The following SLC47A2 variants were observed in gnomAD, a reference collection of about 807,000 sequenced individuals.
SLC47A2 encodes the protein solute carrier family 47 member 2, also known as multidrug and toxin extrusion protein 2.
SLC47A2 carries 52 observed loss-of-function variants against 67.7 expected under a neutral mutation model. That is an observed-to-expected ratio of 0.77 (90% confidence interval 0.61 to 0.97). The LOEUF (loss-of-function observed/expected upper bound fraction) is 0.97, where lower values mean the gene tolerates loss of function less well. SLC47A2 is among the 50% of genes least tolerant of loss of function. The pLI is 0.00. For synonymous variants in SLC47A2, 278 were observed against 292.9 expected (o/e 0.95, Z 0.52); for missense variants, 676 against 712.3 (o/e 0.95, Z 0.58).
In SLC47A2 at chr17:19,713,843, T is replaced by C. The variant is rs2086171302; in HGVS notation, c.425A>G (p.Gln142Arg). The C allele has an allele frequency of 6.2e-7, 1 of 1,612,804 alleles. No homozygotes were observed. Among genetic ancestry groups the C allele is most frequent in the Non-Finnish European group, 8.5e-7 (1 of 1,179,752 alleles). Residue 142 changes from glutamine (Q) to arginine (R), a missense_variant, in exon 4 of 17, where the codon CAG becomes CGG. By Grantham distance (43) the Gln-to-Arg change is conservative (BLOSUM62 1). Coordinates refer to ENST00000433844, the MANE Select transcript of SLC47A2 (RefSeq NM_001099646.3). ...AGCGCACCTGGACACGTCCGGGTCC[T>C]GCCGGAAGAGCAGCAGGATGTGCTG... ...NTQHILLLFR[Q>R]DPDVSRLTQD...
At chr17:19,693,793 G>A (rs932035528) in intron 13 of SLC47A2, among the ~76,000 whole-genome samples, 2 of 151,922 alleles carry the variant, frequency 1.3e-5, no homozygotes, top group Admixed American at 6.6e-5. Flanking sequence ...GCGAGACTCC[G>A]TCTCAGAACA....
intron 13 of SLC47A2, among the ~76,000 whole-genome samples, chr17:19,689,696 CA>C (rs377081377): frequency 0.032 from 2,636 of 81,526 alleles, 46 homozygotes; most frequent in African/African-American, 0.091. Context: ...GACCTTGTCT[CA>C]AAAAAAAAAA....
intron 4 of SLC47A2, among the ~76,000 whole-genome samples, chr17:19,713,332 G>A (rs539560806): frequency 1.6e-4 from 25 of 152,126 alleles, no homozygotes; most frequent in Non-Finnish European, 3.1e-4. Context: ...AGGTTGCAGT[G>A]AGCCAAGATT....
intron 13 of SLC47A2, among the ~76,000 whole-genome samples, chr17:19,700,653 T>A (rs1303358449): frequency 2.0e-5 from 3 of 151,592 alleles, no homozygotes; most frequent in Admixed American, 1.3e-4. Context: ...TAGTCCCAGC[T>A]ACTCAGGAGG....
chr17:19,681,130 A>G (rs761771090), intron 15 of SLC47A2, among the ~76,000 whole-genome samples: 6 of 152,058 alleles, frequency 3.9e-5, no homozygotes, highest in Non-Finnish European at 5.9e-5. Flanking sequence ...GGAGAATGGC[A>G]TGTACCCAGA....
In SLC47A2 at chr17:19,712,718, G is replaced by A. The variant is rs1266288088; in HGVS notation, c.471C>T (p.Phe157=). Residue 157 remains phenylalanine, a synonymous_variant, in exon 5 of 17, where the codon TTC becomes TTT. Transcript: ENST00000433844. ...GGGCACCTACCGGAAGTCCTGGAATGAAAATCATTACATAGTCCTGGGTCA... is the reference window on the plus strand; with the variant it reads ...GGGCACCTACCGGAAGTCCTGGAATAAAAATCATTACATAGTCCTGGGTCA... The part of the protein sequence containing the change: ...SRLTQDYVMI[F]IPGLPVIFLY... The A allele has an allele frequency of 1.2e-6, 2 of 1,613,302 alleles. No individual in the cohort carries two copies. Among genetic ancestry groups the A allele is most frequent in the Non-Finnish European group, 1.7e-6 (2 of 1,179,822 alleles).
chr17:19,701,682 T>C (rs1335450488), intron 13 of SLC47A2, among the ~76,000 whole-genome samples: 2 of 152,222 alleles, frequency 1.3e-5, no homozygotes, highest in South Asian at 2.1e-4. Context: ...TGTTTTCTTG[T>C]GTTTTTAAAA....
intron 3 of SLC47A2, 82 bp from the exon 4 acceptor site, chr17:19,714,055 G>T: frequency 6.6e-7 from 1 of 1,516,382 alleles, no homozygotes; most frequent in South Asian, 1.3e-5. Context: ...GGCTGTCAGC[G>T]GCGCCAGCGG....
intron 3 of SLC47A2, 38 bp from the exon 4 acceptor site, chr17:19,714,011 G>A (rs1458811249): frequency 3.1e-6 from 5 of 1,592,222 alleles, no homozygotes; most frequent in Non-Finnish European, 3.4e-6. Flanking sequence ...CGTTTCCACT[G>A]CCCGGGACAT....
rs538048775 is a variant in SLC47A2 at position 19,690,968 on chromosome 17, C to T, written c.1165-9298G>A. ...AACCCCTTCTCTACTAAAAAAAATA[C>T]AAAATTAGCTGGGCGTAGTGGTGCA... On this transcript the variant is annotated intron_variant, in intron 13 of 16. Transcript: ENST00000433844. 2.6e-5 allele frequency among the ~76,000 whole-genome samples: 4 copies of T among 152,014 alleles called. No homozygotes were observed. In the East Asian group the frequency reaches 7.8e-4, roughly 29 times the overall value.
intron 10 of SLC47A2, 28 bp downstream of exon 10, chr17:19,705,407 TG>T (rs1409585897): frequency 6.3e-7 from 1 of 1,597,816 alleles, no homozygotes; most frequent in Non-Finnish European, 8.5e-7. Context: ...GTGGGGGATG[TG>T]GGGAAGGCAC....
chr17:19,712,585 C>G, intron 5 of SLC47A2, 118 bp downstream of exon 5: 1 of 1,065,514 alleles, frequency 9.4e-7, no homozygotes, highest in Non-Finnish European at 1.4e-6. Flanking sequence ...CAGTCACCCT[C>G]ATGGCCCAGC....
In SLC47A2 at chr17:19,681,009, C is replaced by T. The variant is rs898101326; in HGVS notation, c.1392+358G>A. Among the ~76,000 whole-genome samples the T allele has an allele frequency of 3.9e-5, 6 of 151,948 alleles. No individual in the cohort carries two copies. The East Asian group carries it at 5.8e-4, about 15-fold the overall frequency. ...TGGGCGGATCACGAGGTCAGGAGAT[C>T]GAGACCATCCTGGCTAACACGGTGA... On this transcript the variant is annotated intron_variant, in intron 15 of 16. Transcript: ENST00000433844.
chr17:19,698,684 T>A (rs1430262233), intron 13 of SLC47A2, among the ~76,000 whole-genome samples: 3 of 152,032 alleles, frequency 2.0e-5, no homozygotes, highest in Non-Finnish European at 1.5e-5. Flanking sequence ...CAGGGTTGAT[T>A]AAAAAAAATT....
intron 13 of SLC47A2, among the ~76,000 whole-genome samples, chr17:19,687,621 AAAAG>A (rs2085456311): frequency 6.6e-6 from 1 of 152,144 alleles, no homozygotes; most frequent in South Asian, 2.1e-4. Flanking sequence ...ATGAAGAAAA[AAAAG>A]AGAAAAGATC....
chr17:19,681,649 T>C lies in SLC47A2; in HGVS notation c.1186A>G (p.Arg396Gly). ...AICCVYGGVL[R>G]GTGKQAFGAA... ...CCAAAGGCCTGCTTCCCAGTTCCTCTCAGAACTCCGCCATAGACACACTAG... is the reference window on the plus strand; with the variant it reads ...CCAAAGGCCTGCTTCCCAGTTCCTCCCAGAACTCCGCCATAGACACACTAG... Residue 396 changes from arginine to glycine, a missense_variant, in exon 14 of 17, where the codon AGA becomes GGA. By Grantham distance (125) the Arg-to-Gly change is moderately radical. Coordinates refer to ENST00000433844, the MANE Select transcript of SLC47A2 (RefSeq NM_001099646.3). 6.2e-7 allele frequency: 1 copy of C among 1,613,696 alleles called. No homozygotes were observed. Among genetic ancestry groups the C allele is most frequent in the Admixed American group, 1.7e-5 (1 of 60,020 alleles).
chr17:19,694,660 G>A (rs937896947), intron 13 of SLC47A2, among the ~76,000 whole-genome samples: 1 of 152,226 alleles, frequency 6.6e-6, no homozygotes, highest in Non-Finnish European at 1.5e-5. Context: ...GCTCACACCT[G>A]TAATCCCAGC....
At chr17:19,712,424 G>A (rs1052246572) in intron 5 of SLC47A2, among the ~76,000 whole-genome samples, 1 of 152,190 alleles carries the variant, frequency 6.6e-6, no homozygotes, top group Non-Finnish European at 1.5e-5. Flanking sequence ...AGTAACATAT[G>A]TTCTCTCTGG....
intron 13 of SLC47A2, among the ~76,000 whole-genome samples, chr17:19,687,800 G>T (rs1167836828): frequency 6.6e-6 from 1 of 152,094 alleles, no homozygotes; most frequent in Non-Finnish European, 1.5e-5. Context: ...GAACAAATCT[G>T]AAACCTGAAC....
Sources: allele counts gnomAD v4.1 joint callset (sites outside exome capture counted in the v4.1 genomes callset), GRCh38; gene constraint gnomAD v4.1.1; transcripts MANE v1.5; gene names NCBI Gene and HGNC (gene_info 2026-07-23, HGNC 2026-07-21).